The following SC5D variants were observed in gnomAD, a reference collection of about 807,000 sequenced individuals.
The protein encoded by SC5D is lathosterol oxidase.
A neutral mutation model predicts 23.9 loss-of-function variants in SC5D; 21 were observed. The ratio of observed to expected loss-of-function variants is 0.88; its 90% CI spans 0.62 to 1.26. The LOEUF is 1.26. Among genes scored for constraint, SC5D ranks in the 50% most tolerant of loss-of-function variants. The pLI, the probability that SC5D is intolerant of heterozygous loss-of-function variation, is 0.00. For missense variants in SC5D, 309 were observed against 364.8 expected (o/e 0.85, Z 1.25); for synonymous variants, 113 against 125.9 (o/e 0.90, Z 0.68).
chr11:121,295,987 A>G (rs553392105), intron 1 of SC5D, among the ~76,000 whole-genome samples: 38 of 152,308 alleles, frequency 2.5e-4, no homozygotes, highest in African/African-American at 9.1e-4. Context: ...ATTCTACCAC[A>G]GGAACAACCA....
At chr11:121,304,159 A>G (rs1405359358) in intron 2 of SC5D, 2 of 530,762 alleles carry the variant, frequency 3.8e-6, no homozygotes, top group East Asian at 6.7e-5. Context: ...AGAATTTGAA[A>G]TACTTATTGC....
rs987720476 is a variant in SC5D, at chr11:121,311,522, A to T, written c.*4010A>T. Among the ~76,000 whole-genome samples, 1 of 152,212 alleles carries T rather than the reference A, an allele frequency of 6.6e-6. No homozygotes were observed. The highest frequency in any genetic ancestry group is 6.5e-5 in the Admixed American group (1 of 15,278). Reference sequence around the variant, plus strand: ...AATCAGTACTACAAGGACTGGTTAGAGGGTTGAATGAATCTGTATACTCAG... The same window carrying T: ...AATCAGTACTACAAGGACTGGTTAGTGGGTTGAATGAATCTGTATACTCAG... On this transcript the variant is annotated 3_prime_UTR_variant, in exon 5 of 5. Coordinates refer to ENST00000264027, the MANE Select transcript of SC5D (RefSeq NM_006918.5).
In SC5D at chr11:121,309,300, A is replaced by G. The variant is rs1200646767; in HGVS notation, c.*1788A>G. Among the ~76,000 whole-genome samples, 1 of 152,150 alleles carries G rather than the reference A, an allele frequency of 6.6e-6. No individual in the cohort carries two copies. Among genetic ancestry groups the G allele is most frequent in the Admixed American group, 6.5e-5 (1 of 15,268 alleles). ...AAAGAAGGAAAAGTCTGTGTGGAAAATGTTTCTGGGTCAGGCCTGGAAGTG... is the reference window on the plus strand; with the variant it reads ...AAAGAAGGAAAAGTCTGTGTGGAAAGTGTTTCTGGGTCAGGCCTGGAAGTG... On this transcript the variant is annotated 3_prime_UTR_variant, in exon 5 of 5. Transcript: ENST00000264027.
Position 121,304,374 on chromosome 11 carries a change from G to A in SC5D, c.224G>A (p.Arg75Gln), listed in dbSNP as rs780028779. The change falls in exon 3 of 5, where the codon CGA (arginine) becomes CAA (glutamine). Residue 75 changes from arginine (R) to glutamine (Q), a missense_variant. Coordinates refer to ENST00000264027, the MANE Select transcript of SC5D (RefSeq NM_006918.5). ...HPQFLKNQVR[R>Q]EIKFTVQALP... ...TTTCACTTTCAGAATCAAGTCCGTCGAGAGATTAAGTTTACTGTCCAGGCA... is the reference window on the plus strand; with the variant it reads ...TTTCACTTTCAGAATCAAGTCCGTCAAGAGATTAAGTTTACTGTCCAGGCA... 126 of 1,613,230 alleles carry A rather than the reference G, an allele frequency of 7.8e-5. No homozygotes were observed. In the East Asian group the frequency reaches 2.6e-3, roughly 33 times the overall value.
intron 3 of SC5D, 113 bp downstream of exon 3, chr11:121,304,606 T>A (rs1947950361): frequency 9.5e-6 from 9 of 947,106 alleles, no homozygotes; most frequent in Non-Finnish European, 9.9e-6. Context: ...TACAAATTAT[T>A]CAGTTGTTTT....
At chr11:121,301,519 GA>G (rs1198392487) in intron 1 of SC5D, among the ~76,000 whole-genome samples, 2 of 152,060 alleles carry the variant, frequency 1.3e-5, no homozygotes, top group African/African-American at 4.8e-5. Context: ...AGCATAATGA[GA>G]GTCCTAAAAG....
At chr11:121,306,653 G>C (rs1239417069) in intron 4 of SC5D, 167 bp downstream of exon 4, 1 of 690,496 alleles carries the variant, frequency 1.4e-6, no homozygotes, top group Non-Finnish European at 2.6e-6. Flanking sequence ...CTTCTTTATG[G>C]GTCTAAGGGG....
At chr11:121,306,644 T>G (rs1302253169) in intron 4 of SC5D, 158 bp downstream of exon 4, 1 of 695,694 alleles carries the variant, frequency 1.4e-6, no homozygotes, top group Admixed American at 2.0e-5. Context: ...GTTCATATTC[T>G]TCTTTATGGG....
At chr11:121,301,290 TA>T (rs1947924156) in intron 1 of SC5D, among the ~76,000 whole-genome samples, 1 of 142,394 alleles carries the variant, frequency 7.0e-6, no homozygotes, top group South Asian at 2.2e-4. Context: ...AGAATATCAA[TA>T]AAGTGATAAA....
In SC5D at chr11:121,308,297, T is replaced by C. The variant is rs946426287; in HGVS notation, c.*785T>C. 3 of 152,218 alleles carry C rather than the reference T, an allele frequency of 2.0e-5. No homozygotes were observed. The highest frequency in any genetic ancestry group is 1.3e-4 in the Admixed American group (2 of 15,274). The allele number at this position is 152,218 out of a possible 1,614,324, so 9.4% of individuals were successfully genotyped here. On this transcript the variant is annotated 3_prime_UTR_variant, in exon 5 of 5. Coordinates refer to ENST00000264027, the MANE Select transcript of SC5D (RefSeq NM_006918.5). ...GTAAAAATATGTGAATCTGGATATA[T>C]TTAAAAAAAGAAATTTGATGCCCAG...
chr11:121,295,942 A>G (rs968067942), intron 1 of SC5D, among the ~76,000 whole-genome samples: 2 of 152,284 alleles, frequency 1.3e-5, no homozygotes, highest in East Asian at 1.9e-4. Context: ...CTTAACAGCC[A>G]CTGCCCGAGG....
rs565995500 is a variant in SC5D at position 121,293,230 on chromosome 11, G to C, written c.-11+414G>C. Among the ~76,000 whole-genome samples the C allele has an allele frequency of 5.9e-5, 9 of 152,350 alleles. No homozygotes were observed. In the East Asian group the frequency reaches 1.7e-3, roughly 29 times the overall value. Reference sequence around the variant, plus strand: ...GATAGGGAGGCCTGGACTTGAAGGAGCCGACCGTGGACGGGCTTAAAGAAA... The same window carrying C: ...GATAGGGAGGCCTGGACTTGAAGGACCCGACCGTGGACGGGCTTAAAGAAA... On this transcript the variant is annotated intron_variant, in intron 1 of 4. Coordinates refer to ENST00000264027, the MANE Select transcript of SC5D (RefSeq NM_006918.5).
chr11:121,302,825 T>C (rs971750456), intron 1 of SC5D, among the ~76,000 whole-genome samples: 11 of 152,210 alleles, frequency 7.2e-5, no homozygotes, highest in African/African-American at 2.7e-4. Flanking sequence ...GTTCTGTCAA[T>C]GGGAGTGTCA....
rs1010064690 is a variant in SC5D at position 121,309,167 on chromosome 11, C to A, written c.*1655C>A. On this transcript the variant is annotated 3_prime_UTR_variant, in exon 5 of 5. Transcript: ENST00000264027. ...GATGTCCCATGTGGATGTTTGTGGTCAGTGGACAGCTTTCCACCTAGTCTT... is the reference window on the plus strand; with the variant it reads ...GATGTCCCATGTGGATGTTTGTGGTAAGTGGACAGCTTTCCACCTAGTCTT... Among the ~76,000 whole-genome samples the A allele has an allele frequency of 1.3e-5, 2 of 152,168 alleles. No individual in the cohort carries two copies. The highest frequency in any genetic ancestry group is 2.4e-5 in the African/African-American group (1 of 41,420).
intron 1 of SC5D, among the ~76,000 whole-genome samples, chr11:121,296,362 C>T (rs1385905662): frequency 1.3e-5 from 2 of 152,186 alleles, no homozygotes; most frequent in East Asian, 3.8e-4. Flanking sequence ...ATGTTTTTCC[C>T]TCTGCTCCAC....
At chr11:121,302,133 T>G (rs143863566) in intron 1 of SC5D, among the ~76,000 whole-genome samples, 2 of 152,296 alleles carry the variant, frequency 1.3e-5, no homozygotes, top group African/African-American at 4.8e-5. Flanking sequence ...GTGAAGGAAA[T>G]AGGCTACAAA....
intron 3 of SC5D, 111 bp downstream of exon 3, chr11:121,304,604 ATTCAGTTGT>A: frequency 1.0e-6 from 1 of 956,742 alleles, no homozygotes; most frequent in Non-Finnish European, 1.6e-6. Context: ...ATTACAAATT[ATTCAGTTGT>A]TTTTTAATGT....
At position 121,307,398 on chromosome 11, in the gene SC5D, G is replaced by T; in HGVS notation, c.786G>T (p.Gly262=). 1.2e-6 allele frequency: 2 copies of T among 1,613,680 alleles called. No individual in the cohort carries two copies. The highest frequency in any genetic ancestry group is 1.7e-4 in the Middle Eastern group (1 of 6,060). Residue 262 remains glycine, a synonymous_variant, in exon 5 of 5, where the codon GGG becomes GGT. Transcript: ENST00000264027. Reference sequence around the variant, plus strand: ...TCAAAAATCCTTCATCCTTTGAGGGGAAGGGACCGCTCAGTTATGTGAAGG... The same window carrying T: ...TCAAAAATCCTTCATCCTTTGAGGGTAAGGGACCGCTCAGTTATGTGAAGG... ...GSFKNPSSFE[G]KGPLSYVKEM...
chr11:121,301,178 A>T (rs918600798), intron 1 of SC5D, among the ~76,000 whole-genome samples: 2 of 152,242 alleles, frequency 1.3e-5, no homozygotes, highest in Admixed American at 6.5e-5. Flanking sequence ...TTGGACTTAC[A>T]AGGCAAAGAC....
Sources: gnomAD v4.1 joint callset for allele counts (sites outside exome capture counted in the v4.1 genomes callset) on GRCh38, gnomAD v4.1.1 for gene constraint, MANE v1.5 for transcripts, NCBI Gene and HGNC (gene_info 2026-07-23, HGNC 2026-07-21) for gene names.